Variants in VWC2L observed in about 807,000 individuals in gnomAD.
VWC2L encodes von Willebrand factor C domain containing 2 like, also known as von Willebrand factor C domain-containing protein 2-like.
VWC2L carries 10 observed loss-of-function variants against 21.6 expected under a neutral mutation model. That is an observed-to-expected ratio of 0.46 (90% confidence interval 0.29 to 0.78). VWC2L has a LOEUF of 0.78. Ranked by LOEUF, VWC2L falls within the 30% of genes least tolerant of loss-of-function variation. The pLI is 0.10. For missense variants in VWC2L, 209 were observed against 277.1 expected, an observed-to-expected ratio of 0.75 and a Z score of 1.74; for synonymous variants, 96 against 94.3, an observed-to-expected ratio of 1.02 and a Z score of -0.10.
Position 214,558,397 on chromosome 2 carries a change from T to C in VWC2L, c.521-17275T>C, listed in dbSNP as rs187434758. Among the ~76,000 whole-genome samples, 5 of 152,346 alleles carry C rather than the reference T, an allele frequency of 3.3e-5. No homozygotes were observed. The East Asian group carries it at 7.7e-4, about 23-fold the overall frequency. On this transcript the variant is annotated intron_variant, in intron 3 of 3. Coordinates refer to ENST00000312504, the MANE Select transcript of VWC2L (RefSeq NM_001080500.4). ...ATTCCCCTATTCATCTCTGCTTAGA[T>C]GATTCATGTGTATATCAATTCAAAC...
chr2:214,417,683 C>T (rs576974780), intron 2 of VWC2L, among the ~76,000 whole-genome samples: 3 of 151,924 alleles, frequency 2.0e-5, no homozygotes, highest in Admixed American at 6.6e-5. Context: ...AGATATGTGT[C>T]GGTGGAGAGT....
intron 3 of VWC2L, among the ~76,000 whole-genome samples, chr2:214,482,686 G>A (rs182722725): frequency 3.9e-4 from 59 of 150,198 alleles, no homozygotes; most frequent in African/African-American, 1.4e-3. Flanking sequence ...TAATGGCCAG[G>A]CACTGTGGTA....
At chr2:214,416,299 T>C (rs184128608) in intron 2 of VWC2L, among the ~76,000 whole-genome samples, 17 of 152,182 alleles carry the variant, frequency 1.1e-4, no homozygotes, top group Admixed American at 2.6e-4. Context: ...TGTCAAACAA[T>C]ATAGAGGTAT....
chr2:214,497,210 A>AG (rs1688824794), intron 3 of VWC2L, among the ~76,000 whole-genome samples: 1 of 1,770 alleles, frequency 5.6e-4, no homozygotes, highest in South Asian at 0.056. Context: ...TGTATTGGAA[A>AG]GGAAAAAAAA....
At chr2:214,467,901 C>T (rs932936493) in intron 3 of VWC2L, among the ~76,000 whole-genome samples, 37 of 152,282 alleles carry the variant, frequency 2.4e-4, no homozygotes, top group African/African-American at 8.4e-4. Flanking sequence ...GTCCCAGCTA[C>T]TCAGAAAGCT....
At chr2:214,522,740 C>A (rs1689264965) in intron 3 of VWC2L, among the ~76,000 whole-genome samples, 1 of 152,080 alleles carries the variant, frequency 6.6e-6, no homozygotes, top group African/African-American at 2.4e-5. Context: ...TTACAAGCTA[C>A]ATAAATACAT....
intron 3 of VWC2L, among the ~76,000 whole-genome samples, chr2:214,475,326 T>C (rs1483167650): frequency 6.6e-6 from 1 of 152,062 alleles, no homozygotes; most frequent in Non-Finnish European, 1.5e-5. Context: ...TGAACATGGA[T>C]GCATTTGTTA....
chr2:214,558,569 A>G (rs1437219886), intron 3 of VWC2L, among the ~76,000 whole-genome samples: 3 of 152,076 alleles, frequency 2.0e-5, no homozygotes, highest in Non-Finnish European at 4.4e-5. Flanking sequence ...TGCTGACTCT[A>G]TTGCCTAAAT....
At chr2:214,424,202 G>A (rs1314237627) in intron 2 of VWC2L, among the ~76,000 whole-genome samples, 1 of 152,014 alleles carries the variant, frequency 6.6e-6, no homozygotes, top group Admixed American at 6.6e-5. Flanking sequence ...CTATAATTCA[G>A]CCTTTTCTAG....
chr2:214,544,848 T>G (rs1689681615), intron 3 of VWC2L, among the ~76,000 whole-genome samples: 1 of 152,150 alleles, frequency 6.6e-6, no homozygotes, highest in African/African-American at 2.4e-5. Flanking sequence ...ATTTTGCAGA[T>G]GAAGAAAACT....
At chr2:214,467,912 G>A (rs534283776) in intron 3 of VWC2L, among the ~76,000 whole-genome samples, 21 of 152,154 alleles carry the variant, frequency 1.4e-4, no homozygotes, top group Middle Eastern at 3.2e-3. Context: ...TCAGAAAGCT[G>A]AGATGGGAGA....
At chr2:214,416,981 C>T (rs923395960) in intron 2 of VWC2L, among the ~76,000 whole-genome samples, 1 of 152,246 alleles carries the variant, frequency 6.6e-6, no homozygotes, top group Admixed American at 6.5e-5. Context: ...GAAAGTTCAA[C>T]TTTAAAAGAC....
At chr2:214,474,294 G>A (rs1688466646) in intron 3 of VWC2L, among the ~76,000 whole-genome samples, 1 of 152,132 alleles carries the variant, frequency 6.6e-6, no homozygotes, top group African/African-American at 2.4e-5. Context: ...TGGCATAATA[G>A]GATATGGCTT....
At chr2:214,441,181 G>A (rs1257044862) in intron 3 of VWC2L, among the ~76,000 whole-genome samples, 2 of 152,076 alleles carry the variant, frequency 1.3e-5, no homozygotes, top group Non-Finnish European at 2.9e-5. Context: ...ACAACAGAGG[G>A]GATGAGCCAT....
chr2:214,571,134 C>T (rs1364141327), intron 3 of VWC2L, among the ~76,000 whole-genome samples: 2 of 152,298 alleles, frequency 1.3e-5, no homozygotes, highest in Admixed American at 1.3e-4. Flanking sequence ...TTTCTTGCCT[C>T]AGTATGCAAA....
At chr2:214,506,628 A>C (rs1301739839) in intron 3 of VWC2L, among the ~76,000 whole-genome samples, 1 of 152,140 alleles carries the variant, frequency 6.6e-6, no homozygotes, top group Non-Finnish European at 1.5e-5. Context: ...CTTCTTTCTA[A>C]AGAAATGTTC....
At chr2:214,456,593 G>A (rs1703061426) in intron 3 of VWC2L, among the ~76,000 whole-genome samples, 1 of 151,986 alleles carries the variant, frequency 6.6e-6, no homozygotes, top group African/African-American at 2.4e-5. Context: ...ATAGTCCCAT[G>A]TGTCTATTTT....
chr2:214,492,369 A>C (rs1342814372), intron 3 of VWC2L, among the ~76,000 whole-genome samples: 1 of 152,222 alleles, frequency 6.6e-6, no homozygotes, highest in East Asian at 1.9e-4. Flanking sequence ...CCATGACCAC[A>C]AAAGGCGGTG....
chr2:214,437,827 T>C (rs1702699839), intron 3 of VWC2L, among the ~76,000 whole-genome samples: 1 of 152,182 alleles, frequency 6.6e-6, no homozygotes, highest in Admixed American at 6.5e-5. Context: ...TGGTTATTTC[T>C]GATAATAATT....
Sources: allele counts gnomAD v4.1 joint callset (sites outside exome capture counted in the v4.1 genomes callset), GRCh38; gene constraint gnomAD v4.1.1; transcripts MANE v1.5; gene names NCBI Gene and HGNC (gene_info 2026-07-23, HGNC 2026-07-21).